The following ARHGAP32 variants were observed in gnomAD, a reference collection of about 807,000 sequenced individuals.
The protein encoded by ARHGAP32 is rho GTPase-activating protein 32.
ARHGAP32 carries 51 observed loss-of-function variants against 186.5 expected under a neutral mutation model. The ratio of observed to expected loss-of-function variants is 0.27; its 90% CI spans 0.22 to 0.35. The LOEUF (loss-of-function observed/expected upper bound fraction) is 0.35. Among genes scored for constraint, ARHGAP32 ranks in the 10% least tolerant of loss-of-function variants. ARHGAP32 has a pLI of 1.00. For missense variants in ARHGAP32, 2,186 were observed against 2,623.5 expected (o/e 0.83, Z 3.64); for synonymous variants, 950 against 964.3 (o/e 0.99, Z 0.27).
intron 8 of ARHGAP32, 83 bp from the exon 9 acceptor site, chr11:129,064,107 T>G: frequency 7.7e-7 from 1 of 1,306,508 alleles, no homozygotes; most frequent in East Asian, 2.5e-5. Flanking sequence ...AAATTCATTT[T>G]AATTTAGAGA....
intron 2 of ARHGAP32, among the ~76,000 whole-genome samples, chr11:129,158,100 G>A (rs1021657166): frequency 2.4e-4 from 36 of 152,054 alleles, no homozygotes; most frequent in Middle Eastern, 3.4e-3. Flanking sequence ...AGGAAAAACC[G>A]GTAGCAGCCA....
At chr11:129,160,036 T>G (rs954217208) in intron 2 of ARHGAP32, among the ~76,000 whole-genome samples, 6 of 152,184 alleles carry the variant, frequency 3.9e-5, no homozygotes, top group Non-Finnish European at 8.8e-5. Context: ...AAAATCCCTT[T>G]GATAAAATTC....
chr11:129,000,948 A>G (rs1167983478), intron 11 of ARHGAP32, among the ~76,000 whole-genome samples: 2 of 152,190 alleles, frequency 1.3e-5, no homozygotes, highest in Non-Finnish European at 2.9e-5. Context: ...GTTGTTGCAA[A>G]TGACTGAATC....
intron 1 of ARHGAP32, among the ~76,000 whole-genome samples, chr11:129,246,206 G>A (rs1045705959): frequency 6.6e-6 from 1 of 152,180 alleles, no homozygotes; most frequent in Non-Finnish European, 1.5e-5. Context: ...CATTTAAAGA[G>A]GGGTCCCCCT....
intron 1 of ARHGAP32, among the ~76,000 whole-genome samples, chr11:129,208,686 C>CA (rs1396862808): frequency 6.8e-6 from 1 of 146,398 alleles, no homozygotes; most frequent in Non-Finnish European, 1.5e-5. Flanking sequence ...TTTTTTGAGA[C>CA]AGAGTCTTGC....
chr11:129,023,651 C>A (rs1938698613), intron 11 of ARHGAP32, among the ~76,000 whole-genome samples: 1 of 152,088 alleles, frequency 6.6e-6, no homozygotes, highest in Non-Finnish European at 1.5e-5. Flanking sequence ...ATCAGCAAAG[C>A]CTACTTCAAA....
At chr11:129,173,080 CAAA>C (rs751982688) in intron 1 of ARHGAP32, among the ~76,000 whole-genome samples, 2 of 150,216 alleles carry the variant, frequency 1.3e-5, no homozygotes, top group Non-Finnish European at 3.0e-5. Flanking sequence ...GCTAGACTAA[CAAA>C]GAAGAGAGAG....
intron 15 of ARHGAP32, 38 bp from the exon 16 acceptor site, chr11:128,981,974 T>C: frequency 1.5e-6 from 2 of 1,319,628 alleles, no homozygotes; most frequent in Non-Finnish European, 2.2e-6. Context: ...GAAAGAAACA[T>C]GATGCAGCAG....
intron 1 of ARHGAP32, among the ~76,000 whole-genome samples, chr11:129,248,525 T>C (rs1945134685): frequency 6.6e-6 from 1 of 152,220 alleles, no homozygotes; most frequent in African/African-American, 2.4e-5. Context: ...GCTCTGTGCC[T>C]AAATCACCCC....
intron 1 of ARHGAP32, among the ~76,000 whole-genome samples, chr11:129,258,756 G>A (rs1945286231): frequency 6.6e-6 from 1 of 152,166 alleles, no homozygotes; most frequent in Non-Finnish European, 1.5e-5. Context: ...ACAGGACTAT[G>A]ATGAACAAAT....
At chr11:129,150,657 A>C (rs539262974) in intron 2 of ARHGAP32, among the ~76,000 whole-genome samples, 3 of 152,262 alleles carry the variant, frequency 2.0e-5, no homozygotes, top group African/African-American at 7.2e-5. Context: ...TTTTTCAGAC[A>C]AAAAAATCCT....
At chr11:129,202,866 G>A (rs1336093913) in intron 1 of ARHGAP32, 8 of 152,160 alleles carry the variant, frequency 5.3e-5, no homozygotes, top group Middle Eastern at 3.4e-3. Flanking sequence ...ACACTAAAGA[G>A]CTCAAAGTGC....
chr11:129,095,951 G>A (rs1018583072), intron 5 of ARHGAP32, among the ~76,000 whole-genome samples: 1 of 152,146 alleles, frequency 6.6e-6, no homozygotes, highest in African/African-American at 2.4e-5. Context: ...AATATTTAAA[G>A]TAGTGATAAA....
Position 129,050,417 on chromosome 11 carries a change from GC to G in ARHGAP32, c.964-9409del. On this transcript the variant is annotated intron_variant, in intron 10 of 22. Coordinates refer to ENST00000682385, the MANE Select transcript of ARHGAP32 (RefSeq NM_001378024.1). ...AATAGCATCTCAGTATGTTGCCCAG[GC>G]TGGCCTCAAATTCATGGGCTCAAGC... Among the ~76,000 whole-genome samples, 3 of 152,102 alleles carry G rather than the reference GC, an allele frequency of 2.0e-5. No homozygotes were observed. In the South Asian group the frequency reaches 6.2e-4, roughly 32 times the overall value.
chr11:129,059,298 C>G (rs1940392479), intron 10 of ARHGAP32, among the ~76,000 whole-genome samples: 1 of 152,004 alleles, frequency 6.6e-6, no homozygotes, highest in Non-Finnish European at 1.5e-5. Flanking sequence ...CAGTAACTAC[C>G]TAGAAGCTTT....
At chr11:128,986,183 G>A (rs1251952274) in intron 14 of ARHGAP32, 98 bp from the exon 15 acceptor site, 2 of 922,342 alleles carry the variant, frequency 2.2e-6, no homozygotes, top group East Asian at 2.7e-5. Context: ...AACTTGCTTT[G>A]CTCTTGGATG....
intron 1 of ARHGAP32, among the ~76,000 whole-genome samples, chr11:129,171,855 G>A (rs1369053586): frequency 1.3e-5 from 2 of 152,020 alleles, no homozygotes; most frequent in African/African-American, 2.4e-5. Context: ...TTGAGCAGTG[G>A]TTTGTAGTTC....
intron 6 of ARHGAP32, among the ~76,000 whole-genome samples, chr11:129,074,551 T>C (rs1591591409): frequency 1.3e-5 from 2 of 152,284 alleles, no homozygotes; most frequent in Non-Finnish European, 2.9e-5. Context: ...TGGCGTGCAG[T>C]GGTCTGATCT....
intron 19 of ARHGAP32, 46 bp from the exon 20 acceptor site, chr11:128,976,680 A>G: frequency 6.7e-7 from 1 of 1,500,992 alleles, no homozygotes; most frequent in Non-Finnish European, 9.3e-7. Context: ...TATTTGTTAC[A>G]TATGTGGTTA....
Sources: gnomAD v4.1 joint callset for allele counts (sites outside exome capture counted in the v4.1 genomes callset) on GRCh38, gnomAD v4.1.1 for gene constraint, MANE v1.5 for transcripts, NCBI Gene and HGNC (gene_info 2026-07-23, HGNC 2026-07-21) for gene names.